The following ASXL1 variants were observed in gnomAD, a reference collection of about 807,000 sequenced individuals.
The protein encoded by ASXL1 is polycomb group protein ASXL1.
Under a neutral mutation model 89.1 loss-of-function variants are expected in ASXL1, and 65 were observed. That is an observed-to-expected ratio of 0.73 (90% CI 0.60 to 0.90). ASXL1 has a LOEUF of 0.90. Among genes scored for constraint, ASXL1 ranks in the 40% least tolerant of loss-of-function variants. The probability of loss-of-function intolerance (pLI) is 0.00; values close to 1 mark genes in which losing one functional copy is unlikely to be tolerated. For synonymous variants in ASXL1, 739 were observed against 746.9 expected, an observed-to-expected ratio of 0.99 and a Z score of 0.17; for missense variants, 1,786 against 1,942.9, an observed-to-expected ratio of 0.92 and a Z score of 1.52.
chr20:32,411,409 G>C (rs1378012729), intron 4 of ASXL1, among the ~76,000 whole-genome samples: 1 of 150,670 alleles, frequency 6.6e-6, no homozygotes, highest in Non-Finnish European at 1.5e-5. Flanking sequence ...TGTCTTTTTA[G>C]TAGAGACGGT....
chr20:32,377,088 ATATC>A lies in ASXL1; in HGVS notation c.252+7969_252+7972del, dbSNP rs1222570769. On this transcript the variant is annotated intron_variant, in intron 4 of 12. Transcript: ENST00000375687. ...ATATATTATATATAATGTTATATAGATATCTATATTATATATAATATATTAATAG... is the reference window on the plus strand; with the variant it reads ...ATATATTATATATAATGTTATATAGATATATTATATATAATATATTAATAG... Among the ~76,000 whole-genome samples the A allele has an allele frequency of 2.9e-5, 4 of 135,998 alleles. No individual in the cohort carries two copies. In the East Asian group the frequency reaches 6.3e-4, roughly 21 times the overall value. 89.2% of individuals were successfully genotyped at this position (135,998 alleles called of 152,430 possible).
intron 12 of ASXL1, 88 bp downstream of exon 12, chr20:32,434,005 G>A (rs2123273602): frequency 1.3e-6 from 2 of 1,549,276 alleles, no homozygotes; most frequent in South Asian, 1.1e-5. Flanking sequence ...CTGGGGCCCT[G>A]AAGTTAATTA....
rs1569337181 is a variant in ASXL1, at chr20:32,436,349, C to G, written c.3637C>G (p.Leu1213Val). 1.2e-6 allele frequency: 2 copies of G among 1,613,838 alleles called. No individual in the cohort carries two copies. The highest frequency in any genetic ancestry group is 1.7e-6 in the Non-Finnish European group (2 of 1,180,026). Residue 1213 changes from leucine to valine, a missense_variant, in exon 13 of 13, where the codon CTC (leucine) becomes GTC (valine). Physicochemically the swap from Leu to Val is conservative, Grantham distance 32. Coordinates refer to ENST00000375687, the MANE Select transcript of ASXL1 (RefSeq NM_015338.6). ...CAAGGCAGTCCCAAGTTTTGACTCC[C>G]TCCATCCAGTGACAAATCCCATTAC... is the stretch of plus-strand genomic sequence containing the variant. ...NCKAVPSFDS[L>V]HPVTNPITSS...
At chr20:32,378,028 C>T (rs191512882) in intron 4 of ASXL1, among the ~76,000 whole-genome samples, 5 of 115,178 alleles carry the variant, frequency 4.3e-5, no homozygotes, top group African/African-American at 1.2e-4. Context: ...CTCACTCTGT[C>T]GCCCAGGCTG....
Position 32,434,980 on chromosome 20 carries a change from C to T in ASXL1, c.2268C>T (p.Asp756=), listed in dbSNP as rs2145365750. The change falls in exon 13 of 13, where the codon GAC becomes GAT. Residue 756 remains aspartate, a synonymous_variant. Transcript: ENST00000375687. ...ASQLPVAPTG[D]QPCQALPLLS... ...AACTCCCCGTTGCTCCCACTGGGGA[C>T]CAGCCATGCCAGGCCTTGCCCCTAC... The T allele has an allele frequency of 6.2e-7, 1 of 1,614,148 alleles. No homozygotes were observed. The highest frequency in any genetic ancestry group is 1.7e-5 in the Admixed American group (1 of 60,024).
chr20:32,414,390 G>A (rs1226552390), intron 4 of ASXL1, among the ~76,000 whole-genome samples: 1 of 150,444 alleles, frequency 6.6e-6, no homozygotes, highest in East Asian at 1.9e-4. Flanking sequence ...GATTGTTCAT[G>A]TTCTTTAATG....
chr20:32,437,498 G>A lies in ASXL1; in HGVS notation c.*160G>A. On this transcript the variant is annotated 3_prime_UTR_variant, in exon 13 of 13. Coordinates refer to ENST00000375687, the MANE Select transcript of ASXL1 (RefSeq NM_015338.6). ...CACTGCTAAAGCCCTCTGTCACTTG[G>A]CGACCCTTCTGGTCTTGCTGGAGGG... 1 of 1,192,556 alleles carries A rather than the reference G, an allele frequency of 8.4e-7. No individual in the cohort carries two copies. The highest frequency in any genetic ancestry group is 2.5e-5 in the East Asian group (1 of 39,704). 73.9% of individuals were successfully genotyped at this position (1,192,556 alleles called of 1,614,324 possible).
Position 32,429,131 on chromosome 20 carries a change from A to T in ASXL1, c.472-207A>T. On this transcript the variant is annotated intron_variant, in intron 6 of 12. Transcript: ENST00000375687. The surrounding 1 kb of genome is among the most constrained non-coding windows in gnomAD (Gnocchi z 4.9). ...ACCTGTAAAATGGGGATAACAGTAC[A>T]TTTTTGTAGCTTGGAATGATGCTTG... 1 of 602,758 alleles carries T rather than the reference A, an allele frequency of 1.7e-6. No homozygotes were observed. Among genetic ancestry groups the T allele is most frequent in the Admixed American group, 2.5e-5 (1 of 39,222 alleles). The allele number at this position is 602,758 out of a possible 1,614,324, so 37.3% of individuals were successfully genotyped here.
rs182487726 is a variant in ASXL1, at chr20:32,404,756, T to A, written c.253-23372T>A. Among the ~76,000 whole-genome samples the A allele has an allele frequency of 1.1e-3, 175 of 152,316 alleles. No homozygotes were observed. In the Middle Eastern group the frequency reaches 0.017, roughly 15 times the overall value. ...AGCCTTTAGTCTTTCACCACTAGTA[T>A]GATGTTAGTTATAGACATTTTATAG... On this transcript the variant is annotated intron_variant, in intron 4 of 12. Transcript: ENST00000375687.
At chr20:32,430,945 C>G in intron 8 of ASXL1, 1 of 457,614 alleles carries the variant, frequency 2.2e-6, no homozygotes, top group South Asian at 2.0e-5. Flanking sequence ...CTATAGTATA[C>G]TAACTAGATT....
rs2011627745 is a variant in ASXL1 at position 32,433,924 on chromosome 20, G to A, written c.1719+7G>A. ...CAAAGTCCCGCCCATCCGGGTAGGAGACTGTTTGATTCCTGGCTGCCCTGG... is the reference window on the plus strand; with the variant it reads ...CAAAGTCCCGCCCATCCGGGTAGGAAACTGTTTGATTCCTGGCTGCCCTGG... On this transcript the variant is annotated splice_region_variant and intron_variant, in intron 12 of 12. Coordinates refer to ENST00000375687, the MANE Select transcript of ASXL1 (RefSeq NM_015338.6). 2 of 1,612,180 alleles carry A rather than the reference G, an allele frequency of 1.2e-6. No homozygotes were observed. Among genetic ancestry groups the A allele is most frequent in the Non-Finnish European group, 1.7e-6 (2 of 1,180,018 alleles).
chr20:32,431,176 G>A, intron 8 of ASXL1, 145 bp from the exon 9 acceptor site: 1 of 985,894 alleles, frequency 1.0e-6, no homozygotes, highest in Non-Finnish European at 1.6e-6. Context: ...AGAATATACA[G>A]GTTAGGATGG....
At chr20:32,388,259 C>T (rs534965413) in intron 4 of ASXL1, among the ~76,000 whole-genome samples, 23 of 152,320 alleles carry the variant, frequency 1.5e-4, no homozygotes, top group Middle Eastern at 3.4e-3. Flanking sequence ...ACTGCAACCT[C>T]TGTCTTCCAG....
At chr20:32,419,600 C>T (rs939432122) in intron 4 of ASXL1, among the ~76,000 whole-genome samples, 16 of 150,970 alleles carry the variant, frequency 1.1e-4, no homozygotes, top group African/African-American at 3.4e-4. Flanking sequence ...AACTTACGTT[C>T]GTTTTTGTTA....
chr20:32,379,071 ACT>A (rs1254137706), intron 4 of ASXL1, among the ~76,000 whole-genome samples: 1 of 148,388 alleles, frequency 6.7e-6, no homozygotes, highest in Non-Finnish European at 1.5e-5. Context: ...ACAGAGTGAG[ACT>A]CTGTCTCTCA....
intron 4 of ASXL1, among the ~76,000 whole-genome samples, chr20:32,419,985 A>T (rs2049212168): frequency 6.6e-6 from 1 of 151,756 alleles, no homozygotes; most frequent in African/African-American, 2.4e-5. Flanking sequence ...CGGCTGATGG[A>T]TAAATTTTCT....
chr20:32,371,730 C>T lies in ASXL1; in HGVS notation c.252+2607C>T, dbSNP rs565957965. The T allele has an allele frequency of 9.4e-5, 41 of 436,872 alleles. 1 individual carries two copies. Among genetic ancestry groups the T allele is most frequent in the East Asian group, 1.5e-4 (2 of 13,078 alleles). The allele number at this position is 436,872 out of a possible 1,614,324, so 27.1% of individuals were successfully genotyped here. ...AAGCAGTAGTCCCACCTCAGCCTCC[C>T]GAGTAGCGTACACCATCACCCCAGC... On this transcript the variant is annotated intron_variant, in intron 4 of 12. Transcript: ENST00000375687.
chr20:32,381,502 C>T (rs1385613220), intron 4 of ASXL1, among the ~76,000 whole-genome samples: 2 of 149,770 alleles, frequency 1.3e-5, no homozygotes, highest in Non-Finnish European at 3.0e-5. Flanking sequence ...GGTCCAGCCT[C>T]TTACCAAAAT....
chr20:32,436,019 GCCACTA>G lies in ASXL1; in HGVS notation c.3308_3313del (p.Ala1103_Asn1105delinsAsp). 1 of 1,614,164 alleles carries G rather than the reference GCCACTA, an allele frequency of 6.2e-7. No homozygotes were observed. Among genetic ancestry groups the G allele is most frequent in the Non-Finnish European group, 8.5e-7 (1 of 1,180,036 alleles). On this transcript the variant is annotated inframe_deletion, in exon 13 of 13. Coordinates refer to ENST00000375687, the MANE Select transcript of ASXL1 (RefSeq NM_015338.6). ...GTCCATGCCTGGGTCCTCAGTGGAG[GCCACTA>G]ACCCACTTGTGATGCAGTTGCTGCA...
Sources: gnomAD v4.1 joint callset for allele counts (sites outside exome capture counted in the v4.1 genomes callset) on GRCh38, gnomAD v4.1.1 for gene constraint, Gnocchi (gnomAD v3.1) non-coding constraint, MANE v1.5 for transcripts, NCBI Gene and HGNC (gene_info 2026-07-23, HGNC 2026-07-21) for gene names.